MAP3K15: variants seen among roughly 807,000 people sequenced by gnomAD.
MAP3K15 encodes mitogen-activated protein kinase kinase kinase 15.
A neutral mutation model predicts 99.5 loss-of-function variants in MAP3K15; 124 were observed. The observed-to-expected ratio is 1.25, with a 90% CI of 1.08 to 1.45. MAP3K15 has a LOEUF of 1.45. Among genes scored for constraint, MAP3K15 ranks in the 40% most tolerant of loss-of-function variants. The pLI is 0.00. For synonymous variants in MAP3K15, 494 were observed against 439.6 expected (o/e 1.12, Z -1.55); for missense variants, 1,242 against 1,079.7 (o/e 1.15, Z -2.11).
chrX:19,457,345 C>T (rs1158245032), intron 5 of MAP3K15, among the ~76,000 whole-genome samples: 2 of 112,284 alleles, frequency 1.8e-5, no homozygotes, highest in African/African-American at 6.5e-5. Context: ...GGCGTGGTGG[C>T]TCACACCTGT....
chrX:19,386,833 GCTT>G (rs1245715802), intron 18 of MAP3K15, among the ~76,000 whole-genome samples: 3 of 110,998 alleles, frequency 2.7e-5, no homozygotes, highest in African/African-American at 9.8e-5. Context: ...TGCTGAGACA[GCTT>G]CTTTAGAGAG....
rs749306111 is a variant in MAP3K15, at chrX:19,361,583, C to G, written c.3690G>C (p.Glu1230Asp). 3.2e-5 allele frequency: 38 copies of G among 1,198,090 alleles called. 1 individual carries two copies. The Admixed American group carries it at 7.7e-4, about 24-fold the overall frequency. Residue 1230 changes from glutamate (E) to aspartate (D), a missense_variant, in exon 27 of 29, where the codon GAG becomes GAC. By Grantham distance (45) the Glu-to-Asp change is conservative (BLOSUM62 2). Coordinates refer to ENST00000338883, the MANE Select transcript of MAP3K15 (RefSeq NM_001001671.4). Reference protein sequence around the residue: ...QLKLKSNCITENPAGPYGQRT... With the variant: ...QLKLKSNCITDNPAGPYGQRT... ...TCTGCCCGTAGGGGCCTGCTGGGTT[C>G]TCTGTAATACCTGTAACGATTGGCA...
intron 9 of MAP3K15, among the ~76,000 whole-genome samples, chrX:19,418,460 A>C (rs1346396482): frequency 1.8e-5 from 2 of 109,259 alleles, no homozygotes; most frequent in Non-Finnish European, 3.8e-5. Context: ...AGATCAAATG[A>C]ATGAAATGAA....
chrX:19,439,556 T>A (rs1424593861), intron 6 of MAP3K15, among the ~76,000 whole-genome samples: 1 of 111,453 alleles, frequency 9.0e-6, no homozygotes, highest in Non-Finnish European at 1.9e-5. Flanking sequence ...AGCCTTCAAC[T>A]CCCAGCCTCA....
In MAP3K15 at chrX:19,514,995, C is replaced by T; in HGVS notation, c.267G>A (p.Arg89=). 1 of 1,116,913 alleles carries T rather than the reference C, an allele frequency of 9.0e-7. No individual in the cohort carries two copies. The highest frequency in any genetic ancestry group is 1.2e-6 in the Non-Finnish European group (1 of 854,172). The allele number at this position is 1,116,913 out of a possible 1,213,427, so 92.0% of individuals were successfully genotyped here. Residue 89 remains arginine (R), a synonymous_variant, in exon 1 of 29, where the codon CGG becomes CGA. Transcript: ENST00000338883. ...GGTGAGCGCCCTCGGCCTCGCAGGC[C>T]CGCAGCAGGCACTGCCGCGCCCCAG... ...PEAGARQCLL[R]ACEAEGAHLT...
In MAP3K15 at chrX:19,409,948, G is replaced by T; in HGVS notation, c.1724C>A (p.Thr575Lys). The T allele has an allele frequency of 8.3e-7, 1 of 1,205,922 alleles. No individual in the cohort carries two copies. Residue 575 changes from threonine to lysine, a missense_variant, in exon 12 of 29, where the codon ACA becomes AAA. By Grantham distance (78) the Thr-to-Lys change is moderately conservative. Transcript: ENST00000338883. ...EMKQMHEWNFTASSIKGISLS... is the reference protein window; with the variant it reads ...EMKQMHEWNFKASSIKGISLS... ...CCTTATTCCCTTTATGGAAGAGGCTGTAAAATTCCATTCGTGCATCTGTTT... is the reference window on the plus strand; with the variant it reads ...CCTTATTCCCTTTATGGAAGAGGCTTTAAAATTCCATTCGTGCATCTGTTT...
Position 19,392,052 on chromosome X carries a change from C to A in MAP3K15, c.2381G>T (p.Gly794Val). 8.3e-7 allele frequency: 1 copy of A among 1,211,428 alleles called. No individual in the cohort carries two copies. The change falls in exon 18 of 29, where the codon GGA becomes GTA. Residue 794 changes from glycine to valine, a missense_variant. Transcript: ENST00000338883. Reference sequence around the variant, plus strand: ...CACACCCGCAAGACGTTTCGAGGTTCCAAAATCGGAGATTTTCACCACTCC... The same window carrying A: ...CACACCCGCAAGACGTTTCGAGGTTACAAAATCGGAGATTTTCACCACTCC... ...YSGVVKISDFGTSKRLAGVNP... is the reference protein window; with the variant it reads ...YSGVVKISDFVTSKRLAGVNP...
chrX:19,426,450 G>GTT (rs1293511233), intron 7 of MAP3K15, 107 bp from the exon 8 acceptor site: 2 of 435,445 alleles, frequency 4.6e-6, no homozygotes, highest in Non-Finnish European at 3.6e-6. Flanking sequence ...TAAATTTGTT[G>GTT]TTGCCCATTC....
Position 19,410,582 on chromosome X carries a change from G to A in MAP3K15, c.1699-609C>T, listed in dbSNP as rs776303826. 5.4e-5 allele frequency among the ~76,000 whole-genome samples: 6 copies of A among 111,555 alleles called. No homozygotes were observed. The South Asian group carries it at 1.1e-3, about 21-fold the overall frequency. On this transcript the variant is annotated intron_variant, in intron 11 of 28. Transcript: ENST00000338883. ...ACTGCAAGATGGAATGCCCCCCACC[G>A]CCACCCTCTGCAACCTGGATATGAC...
chrX:19,464,822 G>A (rs1268072147), intron 3 of MAP3K15, among the ~76,000 whole-genome samples: 1 of 111,661 alleles, frequency 9.0e-6, no homozygotes, highest in African/African-American at 3.3e-5. Flanking sequence ...TTTAACTATA[G>A]GTGAGCTATT....
chrX:19,510,249 C>A (rs1314232688), intron 1 of MAP3K15, among the ~76,000 whole-genome samples: 5 of 111,527 alleles, frequency 4.5e-5, no homozygotes, highest in African/African-American at 1.6e-4. Context: ...GGCAGAGACA[C>A]AACAAAAAAA....
intron 1 of MAP3K15, among the ~76,000 whole-genome samples, chrX:19,508,983 G>A (rs767792842): frequency 1.3e-4 from 14 of 111,655 alleles, no homozygotes; most frequent in African/African-American, 2.6e-4. Context: ...TCAGCCCACG[G>A]TACTTTCCTT....
At chrX:19,361,245 T>TG in intron 28 of MAP3K15, 94 bp downstream of exon 28, 1 of 737,374 alleles carries the variant, frequency 1.4e-6, no homozygotes, top group Non-Finnish European at 2.0e-6. Context: ...CTCCAGAGTT[T>TG]GGGGGGAGGC....
chrX:19,462,631 G>A (rs2064140322), intron 4 of MAP3K15, among the ~76,000 whole-genome samples: 1 of 112,066 alleles, frequency 8.9e-6, no homozygotes, highest in African/African-American at 3.2e-5. Flanking sequence ...GTATGGCTTG[G>A]GGACATCAGA....
chrX:19,411,620 G>T (rs1425901665), intron 11 of MAP3K15, among the ~76,000 whole-genome samples: 1 of 110,412 alleles, frequency 9.1e-6, no homozygotes, highest in African/African-American at 3.3e-5. Context: ...GGGTCACGTT[G>T]TTCAACAGGA....
chrX:19,459,915 C>T, intron 5 of MAP3K15, 70 bp downstream of exon 5: 1 of 873,971 alleles, frequency 1.1e-6, no homozygotes, highest in East Asian at 3.4e-5. Flanking sequence ...TATACAAATA[C>T]TTCACAAGAC....
intron 9 of MAP3K15, among the ~76,000 whole-genome samples, chrX:19,421,811 G>A (rs1424534204): frequency 9.1e-6 from 1 of 110,338 alleles, no homozygotes; most frequent in Non-Finnish European, 1.9e-5. Flanking sequence ...AAAACAGCAT[G>A]CTACTGGTAC....
intron 6 of MAP3K15, among the ~76,000 whole-genome samples, chrX:19,445,881 A>C (rs1040789052): frequency 9.1e-6 from 1 of 109,932 alleles, no homozygotes; most frequent in Non-Finnish European, 1.9e-5. Flanking sequence ...CGGGAGGCAG[A>C]GATTGCAGTG....
In MAP3K15 at chrX:19,444,600, G is replaced by A. The variant is rs914516298; in HGVS notation, c.995+12313C>T. ...AGGCAACTATGGCATCAATACCTCT[G>A]GTAACAGATCTCGAAGTGTACATAT... is the stretch of plus-strand genomic sequence containing the variant. On this transcript the variant is annotated intron_variant, in intron 6 of 28. Coordinates refer to ENST00000338883, the MANE Select transcript of MAP3K15 (RefSeq NM_001001671.4). Among the ~76,000 whole-genome samples, 13 of 111,678 alleles carry A rather than the reference G, an allele frequency of 1.2e-4. No individual in the cohort carries two copies. The East Asian group carries it at 2.8e-3, about 24-fold the overall frequency.
Sources: gnomAD v4.1 joint callset for allele counts (sites outside exome capture counted in the v4.1 genomes callset) on GRCh38, gnomAD v4.1.1 for gene constraint, MANE v1.5 for transcripts, NCBI Gene and HGNC (gene_info 2026-07-23, HGNC 2026-07-21) for gene names.